SMAD4: variants seen among roughly 807,000 people sequenced by gnomAD.
The protein encoded by SMAD4 is MAD homolog 4.
In SMAD4, 7 loss-of-function variants were observed where a neutral mutation model predicts 63.2. The ratio of observed to expected loss-of-function variants is 0.11; its 90% CI spans 0.06 to 0.21. The LOEUF is 0.21. SMAD4 is among the 10% of genes least tolerant of loss of function. SMAD4 has a pLI of 1.00. For synonymous variants in SMAD4, 215 were observed against 235.4 expected, an observed-to-expected ratio of 0.91 and a Z score of 0.79; for missense variants, 312 against 693.8, an observed-to-expected ratio of 0.45 and a Z score of 6.18.
intron 5 of SMAD4, among the ~76,000 whole-genome samples, chr18:51,057,634 T>TAAAA (rs1157891670): frequency 6.6e-6 from 1 of 152,242 alleles, no homozygotes; most frequent in Non-Finnish European, 1.5e-5. Flanking sequence ...CTATTTAAAA[T>TAAAA]AATTTTCTGC....
intron 8 of SMAD4, among the ~76,000 whole-genome samples, chr18:51,062,856 T>G (rs1038883986): frequency 4.0e-5 from 5 of 125,798 alleles, no homozygotes; most frequent in Non-Finnish European, 6.8e-5. Flanking sequence ...TACTTGTTTT[T>G]TTTTTTTTTT....
intron 1 of SMAD4, among the ~76,000 whole-genome samples, chr18:51,035,968 G>A (rs866438971): frequency 3.3e-5 from 5 of 152,044 alleles, no homozygotes; most frequent in East Asian, 3.8e-4. Flanking sequence ...GTTTATTTTG[G>A]TATGCTTATC....
intron 1 of SMAD4, among the ~76,000 whole-genome samples, chr18:51,039,279 G>T (rs1046214627): frequency 2.6e-5 from 4 of 152,176 alleles, no homozygotes; most frequent in Admixed American, 2.6e-4. Flanking sequence ...TTTCTGTTCA[G>T]TTATCAGGGA....
chr18:51,057,349 A>G (rs1226637979), intron 5 of SMAD4, among the ~76,000 whole-genome samples: 1 of 152,192 alleles, frequency 6.6e-6, no homozygotes, highest in Admixed American at 6.5e-5. Flanking sequence ...AATGTAGGAC[A>G]GTAAGCAATA....
rs2144427844 is a variant in SMAD4, at chr18:51,058,249, G to A, written c.787+5G>A. The A allele has an allele frequency of 6.2e-7, 1 of 1,611,166 alleles. No individual in the cohort carries two copies. The highest frequency in any genetic ancestry group is 8.5e-7 in the Non-Finnish European group (1 of 1,178,150). On this transcript the variant is annotated splice_donor_5th_base_variant and intron_variant, in intron 6 of 11. Transcript: ENST00000342988. The stretch of plus-strand genomic sequence containing the variant: ...AGCCAGCTACTTACCATCATAGTAT[G>A]TACATACTTTAAAAAATCTTTTAAA...
intron 8 of SMAD4, among the ~76,000 whole-genome samples, chr18:51,061,491 A>G (rs1910012634): frequency 6.6e-6 from 1 of 152,156 alleles, no homozygotes; most frequent in South Asian, 2.1e-4. Context: ...ACTTAACATA[A>G]TACCTCCAGT....
chr18:51,073,173 T>A (rs933239826), intron 10 of SMAD4, among the ~76,000 whole-genome samples: 28 of 151,914 alleles, frequency 1.8e-4, no homozygotes, highest in African/African-American at 6.8e-4. Flanking sequence ...GCTGCTGATG[T>A]TAGCATAGAT....
chr18:51,033,810 G>C (rs569489262), intron 1 of SMAD4, among the ~76,000 whole-genome samples: 51 of 152,310 alleles, frequency 3.3e-4, no homozygotes, highest in African/African-American at 1.1e-3. Flanking sequence ...ATTACCTGGT[G>C]TAATTGGCAT....
chr18:51,058,111 T>G lies in SMAD4; in HGVS notation c.668-14T>G. 6.2e-7 allele frequency: 1 copy of G among 1,614,054 alleles called. No individual in the cohort carries two copies. The highest frequency in any genetic ancestry group is 8.5e-7 in the Non-Finnish European group (1 of 1,179,926). On this transcript the variant is annotated splice_polypyrimidine_tract_variant and intron_variant, in intron 5 of 11. Transcript: ENST00000342988. ...CTATGAATGTACCATGTTAATGTCT[T>G]CTTGTTCCTCTAGGTCAGCCTGCCA... is the stretch of plus-strand genomic sequence containing the variant.
intron 8 of SMAD4, among the ~76,000 whole-genome samples, chr18:51,062,369 T>C (rs1338881406): frequency 6.6e-6 from 1 of 152,200 alleles, no homozygotes; most frequent in African/African-American, 2.4e-5. Flanking sequence ...TAAAACATTA[T>C]GGCATCCCAG....
chr18:51,038,147 C>T (rs1320253408), intron 1 of SMAD4, among the ~76,000 whole-genome samples: 1 of 151,780 alleles, frequency 6.6e-6, no homozygotes, highest in Admixed American at 6.6e-5. Flanking sequence ...GTTCTAGCTG[C>T]TCAGGAGGGT....
chr18:51,084,248 G>T lies in SMAD4; in HGVS notation c.*5781G>T, dbSNP rs1222402130. On this transcript the variant is annotated 3_prime_UTR_variant, in exon 12 of 12. Transcript: ENST00000342988. Reference sequence around the variant, plus strand: ...TTCAGTGAAAATGGATTGAAAACCTGTTGTTAATGCTTAGTGATATTATGC... The same window carrying T: ...TTCAGTGAAAATGGATTGAAAACCTTTTGTTAATGCTTAGTGATATTATGC... The T allele has an allele frequency of 4.4e-6, 1 of 229,414 alleles. No individual in the cohort carries two copies. Among genetic ancestry groups the T allele is most frequent in the Non-Finnish European group, 8.6e-6 (1 of 115,752 alleles). 14.2% of individuals were successfully genotyped at this position (229,414 alleles called of 1,614,324 possible). A position where few individuals can be genotyped will look rare whatever the true frequency, so the allele number is the denominator to read the frequency against.
intron 10 of SMAD4, among the ~76,000 whole-genome samples, chr18:51,071,798 C>T (rs1027151350): frequency 2.0e-5 from 3 of 152,210 alleles, no homozygotes; most frequent in East Asian, 1.9e-4. Context: ...TTTCCATTAG[C>T]TCTAGACAAC....
intron 1 of SMAD4, 57 bp from the exon 2 acceptor site, chr18:51,046,863 C>T (rs1302172758): frequency 3.4e-6 from 2 of 581,122 alleles, no homozygotes; most frequent in Non-Finnish European, 6.0e-6. Flanking sequence ...CCCAAGTAGT[C>T]AGATCTACTT....
intron 11 of SMAD4, chr18:51,077,119 C>T: frequency 5.9e-6 from 1 of 169,646 alleles, no homozygotes; most frequent in East Asian, 1.5e-4. Flanking sequence ...TGGCTTTATT[C>T]TAGTAAGGAA....
At chr18:51,035,096 C>T (rs1458059816) in intron 1 of SMAD4, among the ~76,000 whole-genome samples, 1 of 152,196 alleles carries the variant, frequency 6.6e-6, no homozygotes, top group African/African-American at 2.4e-5. Context: ...TCTAACTTAA[C>T]GGGTCTTTTG....
intron 8 of SMAD4, among the ~76,000 whole-genome samples, chr18:51,064,956 A>C (rs1012643456): frequency 1.3e-5 from 2 of 152,250 alleles, no homozygotes; most frequent in Admixed American, 6.5e-5. Context: ...ATTCAAGGAC[A>C]GTTCCCTGGA....
chr18:51,058,582 T>G (rs935802369), intron 7 of SMAD4, 126 bp downstream of exon 7: 2 of 712,888 alleles, frequency 2.8e-6, no homozygotes, highest in South Asian at 3.2e-5. Context: ...TAAATAGTGC[T>G]TTTCAGTATT....
rs1339926228 is a variant in SMAD4, at chr18:51,080,411, ATCT to A, written c.*1948_*1950del. The A allele has an allele frequency of 4.3e-6, 1 of 231,398 alleles. No homozygotes were observed. The highest frequency in any genetic ancestry group is 8.5e-6 in the Non-Finnish European group (1 of 116,974). 14.3% of individuals were successfully genotyped at this position (231,398 alleles called of 1,614,324 possible). Reference sequence around the variant, plus strand: ...TTTATTGGCAGTTTTATAAAAAGACATCTTCTCTAGAAATTGCTAACTTTAGGT... The same window carrying A: ...TTTATTGGCAGTTTTATAAAAAGACATCTCTAGAAATTGCTAACTTTAGGT... On this transcript the variant is annotated 3_prime_UTR_variant, in exon 12 of 12. Transcript: ENST00000342988.
Sources: allele counts gnomAD v4.1 joint callset (sites outside exome capture counted in the v4.1 genomes callset), GRCh38; gene constraint gnomAD v4.1.1; transcripts MANE v1.5; gene names NCBI Gene and HGNC (gene_info 2026-07-23, HGNC 2026-07-21).